Variants in TECPR2 observed in about 807,000 individuals in gnomAD.
The protein encoded by TECPR2 is tectonin beta-propeller repeat-containing protein 2.
TECPR2 carries 65 observed loss-of-function variants against 138.1 expected under a neutral mutation model. The observed-to-expected ratio is 0.47, with a 90% CI of 0.39 to 0.58. The LOEUF (loss-of-function observed/expected upper bound fraction) is 0.58, where lower values mean the gene tolerates loss of function less well. TECPR2 is among the 20% of genes least tolerant of loss of function. The pLI, the probability that TECPR2 is intolerant of heterozygous loss-of-function variation, is 0.00. For missense variants in TECPR2, 1,553 were observed against 1,824.5 expected (o/e 0.85, Z 2.71); for synonymous variants, 746 against 749.8 (o/e 0.99, Z 0.08).
At chr14:102,490,119 T>TCA (rs1425391048) in intron 17 of TECPR2, among the ~76,000 whole-genome samples, 1 of 152,134 alleles carries the variant, frequency 6.6e-6, no homozygotes, top group Non-Finnish European at 1.5e-5. Flanking sequence ...GCACAGCAGG[T>TCA]CTGTGTGTTA....
At chr14:102,403,027 T>G (rs932533818) in intron 2 of TECPR2, among the ~76,000 whole-genome samples, 4 of 152,318 alleles carry the variant, frequency 2.6e-5, no homozygotes, top group African/African-American at 9.6e-5. Context: ...GGAATACTTC[T>G]GAATTCACTC....
chr14:102,496,966 T>C lies in TECPR2; in HGVS notation c.3790-13T>C. On this transcript the variant is annotated splice_polypyrimidine_tract_variant and intron_variant, in intron 17 of 19. Coordinates refer to ENST00000359520, the MANE Select transcript of TECPR2 (RefSeq NM_014844.5). ...AACTCCTGCCTTCCCTGAAAGTCCC[T>C]TCCCGCTTCCAGCCCGCCGGGGTCA... is the stretch of plus-strand genomic sequence containing the variant. 1 of 1,612,936 alleles carries C rather than the reference T, an allele frequency of 6.2e-7. No individual in the cohort carries two copies.
intron 16 of TECPR2, among the ~76,000 whole-genome samples, chr14:102,457,747 G>T (rs148533036): frequency 3.3e-5 from 5 of 152,180 alleles, no homozygotes; most frequent in African/African-American, 1.2e-4. Context: ...ACAGTAGGGG[G>T]TGCACACAGC....
Position 102,434,277 on chromosome 14 carries a change from C to T in TECPR2, c.1460C>T (p.Thr487Ile), listed in dbSNP as rs756326016. Residue 487 changes from threonine (T) to isoleucine (I), a missense_variant, in exon 9 of 20, where the codon ACA (threonine) becomes ATA (isoleucine). By Grantham distance (89) the Thr-to-Ile change is moderately conservative. Coordinates refer to ENST00000359520, the MANE Select transcript of TECPR2 (RefSeq NM_014844.5). ...RSTCHSSLES[T>I]PCSEFPGDSP... ...ACCTGTCACAGCTCCCTGGAATCGA[C>T]ACCCTGCTCCGAATTTCCTGGGGAC... 1.3e-5 allele frequency: 18 copies of T among 1,388,212 alleles called. No homozygotes were observed. The highest frequency in any genetic ancestry group is 1.2e-5 in the Non-Finnish European group (13 of 1,064,930). 86.0% of individuals were successfully genotyped at this position (1,388,212 alleles called of 1,614,324 possible).
Position 102,431,847 on chromosome 14 carries a change from A to C in TECPR2, c.1136A>C (p.Gln379Pro). Reference sequence around the variant, plus strand: ...TGCTCAGAGCGTGTCCACGTGCAGCAAGCGGAGAAGCTGCCAGGGGCCACA... The same window carrying C: ...TGCTCAGAGCGTGTCCACGTGCAGCCAGCGGAGAAGCTGCCAGGGGCCACA... ...SGCSERVHVQ[Q>P]AEKLPGATVS... The change falls in exon 8 of 20, where the codon CAA becomes CCA. Residue 379 changes from glutamine to proline, a missense_variant. Transcript: ENST00000359520. The C allele has an allele frequency of 6.3e-7, 1 of 1,599,060 alleles. No individual in the cohort carries two copies. Among genetic ancestry groups the C allele is most frequent in the Non-Finnish European group, 8.6e-7 (1 of 1,167,884 alleles).
At chr14:102,429,962 T>A (rs1288131478) in intron 7 of TECPR2, among the ~76,000 whole-genome samples, 6 of 152,146 alleles carry the variant, frequency 3.9e-5, no homozygotes, top group African/African-American at 9.7e-5. Context: ...GTTTAATTTT[T>A]ATTTTATTTT....
At chr14:102,413,651 T>A (rs940635410) in intron 4 of TECPR2, among the ~76,000 whole-genome samples, 15 of 152,060 alleles carry the variant, frequency 9.9e-5, no homozygotes, top group African/African-American at 3.6e-4. Context: ...AATATAGGGA[T>A]TACAAGTGTG....
At chr14:102,432,475 A>G (rs1313130147) in intron 8 of TECPR2, among the ~76,000 whole-genome samples, 1 of 151,914 alleles carries the variant, frequency 6.6e-6, no homozygotes, top group East Asian at 2.0e-4. Flanking sequence ...CTGGAGTGCA[A>G]TGGCACGATC....
intron 17 of TECPR2, among the ~76,000 whole-genome samples, chr14:102,493,732 C>G (rs1364117450): frequency 6.6e-6 from 1 of 152,204 alleles, no homozygotes; most frequent in African/African-American, 2.4e-5. Context: ...GCCGCCCCGC[C>G]CCAGCCTCCC....
chr14:102,378,447 A>G (rs1887700129), intron 2 of TECPR2, among the ~76,000 whole-genome samples: 1 of 152,098 alleles, frequency 6.6e-6, no homozygotes, highest in Non-Finnish European at 1.5e-5. Context: ...GGACAGACAT[A>G]TATTAACTCA....
At chr14:102,478,451 C>T (rs11629309) in intron 17 of TECPR2, among the ~76,000 whole-genome samples, 1 of 151,488 alleles carries the variant, frequency 6.6e-6, no homozygotes, top group Non-Finnish European at 1.5e-5. Flanking sequence ...GAGGTCGAGG[C>T]GGGTAGATTG....
At position 102,499,165 on chromosome 14, in the gene TECPR2, A is replaced by G. The variant is rs1361050047; in HGVS notation, c.*908A>G. The stretch of plus-strand genomic sequence containing the variant: ...ACCTGGATGTGTGCACGTGTGTCCC[A>G]GGTAGGGACGGCACAGGAGGGTGCA... On this transcript the variant is annotated 3_prime_UTR_variant, in exon 20 of 20. Transcript: ENST00000359520. 1 of 703,024 alleles carries G rather than the reference A, an allele frequency of 1.4e-6. No homozygotes were observed. 43.5% of individuals were successfully genotyped at this position (703,024 alleles called of 1,614,324 possible).
rs557831555 is a variant in TECPR2, at chr14:102,458,502, C to T, written c.3640+5875C>T. Among the ~76,000 whole-genome samples the T allele has an allele frequency of 4.6e-5, 7 of 152,290 alleles. No individual in the cohort carries two copies. In the South Asian group the frequency reaches 6.2e-4, roughly 14 times the overall value. On this transcript the variant is annotated intron_variant, in intron 16 of 19. Transcript: ENST00000359520. ...GCACCCAGGGTCTCGCAGCCAGACC[C>T]GGCCTGCTGTTCCGAGGCCTCGTGC...
At chr14:102,366,213 C>T (rs765967485) in intron 1 of TECPR2, among the ~76,000 whole-genome samples, 2 of 152,160 alleles carry the variant, frequency 1.3e-5, no homozygotes, top group African/African-American at 2.4e-5. Context: ...TAGCTGCCAC[C>T]TTCCAGGGTT....
Position 102,502,082 on chromosome 14 carries a change from G to A in TECPR2, c.*3825G>A, listed in dbSNP as rs1891451286. 4 of 152,384 alleles carry A rather than the reference G, an allele frequency of 2.6e-5. No individual in the cohort carries two copies. Among genetic ancestry groups the A allele is most frequent in the African/African-American group, 9.6e-5 (4 of 41,582 alleles). 9.4% of individuals were successfully genotyped at this position (152,384 alleles called of 1,614,324 possible). A position where few individuals can be genotyped will look rare whatever the true frequency, so the allele number is the denominator to read the frequency against. On this transcript the variant is annotated 3_prime_UTR_variant, in exon 20 of 20. Coordinates refer to ENST00000359520, the MANE Select transcript of TECPR2 (RefSeq NM_014844.5). ...TTTGGGAACAGCCATGTTAACGTGA[G>A]CAAATTCCTCTCATGAAATAGCCTG... is the stretch of plus-strand genomic sequence containing the variant.
At chr14:102,439,293 CTG>C (rs1889767409) in intron 10 of TECPR2, among the ~76,000 whole-genome samples, 1 of 152,206 alleles carries the variant, frequency 6.6e-6, no homozygotes. Context: ...GAAGCTGAGT[CTG>C]TGGCTTGGGA....
intron 8 of TECPR2, among the ~76,000 whole-genome samples, chr14:102,433,373 G>A (rs555335694): frequency 6.7e-6 from 1 of 149,802 alleles, no homozygotes; most frequent in East Asian, 1.9e-4. Flanking sequence ...CTCAGTGTTT[G>A]GCTCCCACTT....
chr14:102,428,250 G>A lies in TECPR2; in HGVS notation c.952G>A (p.Ala318Thr), dbSNP rs1407792035. 4 of 1,445,762 alleles carry A rather than the reference G, an allele frequency of 2.8e-6. No individual in the cohort carries two copies. The highest frequency in any genetic ancestry group is 2.6e-5 in the East Asian group (1 of 38,820). The allele number at this position is 1,445,762 out of a possible 1,614,324, so 89.6% of individuals were successfully genotyped here. ...TTTTTTTTTTTTTTTTTTTTGACAGGCCACAGTTGCTGGTTTGGAAGGATC... is the reference window on the plus strand; with the variant it reads ...TTTTTTTTTTTTTTTTTTTTGACAGACCACAGTTGCTGGTTTGGAAGGATC... The part of the protein sequence containing the change: ...SIYLLDTVNQ[A>T]TVAGLEGSGD... The change falls in exon 7 of 20, where the codon GCC becomes ACC. Residue 318 changes from alanine to threonine, a missense_variant and splice_region_variant. Coordinates refer to ENST00000359520, the MANE Select transcript of TECPR2 (RefSeq NM_014844.5).
intron 16 of TECPR2, among the ~76,000 whole-genome samples, chr14:102,459,805 T>C (rs181454088): frequency 6.6e-6 from 1 of 152,268 alleles, no homozygotes; most frequent in Admixed American, 6.5e-5. Context: ...TTTACATGTG[T>C]TCTCCCTTCA....
Sources: gnomAD v4.1 joint callset for allele counts (sites outside exome capture counted in the v4.1 genomes callset) on GRCh38, gnomAD v4.1.1 for gene constraint, MANE v1.5 for transcripts, NCBI Gene and HGNC (gene_info 2026-07-23, HGNC 2026-07-21) for gene names.